The following SETBP1 variants were observed in gnomAD, a reference collection of about 807,000 sequenced individuals.
SETBP1 encodes the protein SET-binding protein.
SETBP1 carries 9 observed loss-of-function variants against 101.0 expected under a neutral mutation model. The observed-to-expected ratio is 0.09, with a 90% confidence interval of 0.05 to 0.16. The LOEUF is 0.16. SETBP1 is among the 10% of genes least tolerant of loss of function. The probability of loss-of-function intolerance (pLI) is 1.00; values close to 1 mark genes in which losing one functional copy is unlikely to be tolerated. For missense variants in SETBP1, 1,858 were observed against 2,033.8 expected (o/e 0.91, Z 1.66); for synonymous variants, 818 against 788.5 (o/e 1.04, Z -0.63).
intron 3 of SETBP1, among the ~76,000 whole-genome samples, chr18:44,927,915 A>G (rs1847587528): frequency 6.6e-6 from 1 of 152,134 alleles, no homozygotes; most frequent in Non-Finnish European, 1.5e-5. Flanking sequence ...AACACTTCCA[A>G]TGTGTTCTGT....
chr18:44,688,795 T>G (rs1029501944), intron 1 of SETBP1, among the ~76,000 whole-genome samples: 1 of 152,170 alleles, frequency 6.6e-6, no homozygotes, highest in Non-Finnish European at 1.5e-5. Flanking sequence ...TAGTAGTGAC[T>G]AAAAGGGATG....
intron 3 of SETBP1, among the ~76,000 whole-genome samples, chr18:44,920,309 G>T (rs188220881): frequency 6.6e-6 from 1 of 152,248 alleles, no homozygotes; most frequent in African/African-American, 2.4e-5. Flanking sequence ...TTGCATTGGG[G>T]ATTAAATTTC....
At chr18:44,834,502 G>A (rs1438669512) in intron 2 of SETBP1, among the ~76,000 whole-genome samples, 1 of 152,170 alleles carries the variant, frequency 6.6e-6, no homozygotes, top group East Asian at 1.9e-4. Context: ...AGTATATGTG[G>A]ATGGGTAGAA....
chr18:44,856,964 T>C (rs541494336), intron 2 of SETBP1, among the ~76,000 whole-genome samples: 5 of 152,330 alleles, frequency 3.3e-5, no homozygotes, highest in Admixed American at 3.3e-4. Flanking sequence ...TGAGCCTCCC[T>C]CACCTCTACT....
At chr18:44,961,217 A>T (rs546246561) in intron 4 of SETBP1, among the ~76,000 whole-genome samples, 32 of 152,376 alleles carry the variant, frequency 2.1e-4, no homozygotes, top group African/African-American at 7.7e-4. Flanking sequence ...GCAGAGAAGG[A>T]ATGCCAGAAA....
At chr18:45,056,771 C>T (rs1283936007) in intron 5 of SETBP1, among the ~76,000 whole-genome samples, 1 of 152,216 alleles carries the variant, frequency 6.6e-6, no homozygotes, top group Non-Finnish European at 1.5e-5. Flanking sequence ...CACACATAAA[C>T]ATGCTCACAC....
chr18:44,994,740 G>A (rs191482527), intron 4 of SETBP1, among the ~76,000 whole-genome samples: 1 of 152,316 alleles, frequency 6.6e-6, no homozygotes, highest in Admixed American at 6.5e-5. Flanking sequence ...ACACATATCA[G>A]CTGAATCTTA....
In SETBP1 at chr18:44,800,506, A is replaced by G. The variant is rs1459397829; in HGVS notation, c.487-68724A>G. 3.3e-5 allele frequency among the ~76,000 whole-genome samples: 5 copies of G among 152,206 alleles called. No homozygotes were observed. In the East Asian group the frequency reaches 9.6e-4, roughly 29 times the overall value. ...AATAAACAGTTTCAAAATGGCAAGA[A>G]CTTTGAAGAAAACCTGTGGTGCTGG... On this transcript the variant is annotated intron_variant, in intron 2 of 5. Transcript: ENST00000649279.
At chr18:44,680,369 A>C (rs2068738267), upstream of SETBP1, 1 of 151,626 alleles carries the variant, frequency 6.6e-6, no homozygotes, top group Admixed American at 6.6e-5. Context: ...CGCCGGGGCC[A>C]GCGGAGCCGG....
chr18:44,817,463 A>G (rs1196062000), intron 2 of SETBP1, among the ~76,000 whole-genome samples: 1 of 152,106 alleles, frequency 6.6e-6, no homozygotes, highest in Non-Finnish European at 1.5e-5. Context: ...AGGCAGGCAA[A>G]TCACCAGGTC....
intron 4 of SETBP1, among the ~76,000 whole-genome samples, chr18:44,983,645 A>G (rs1281979687): frequency 6.6e-6 from 1 of 152,182 alleles, no homozygotes. Context: ...GTAACACCAG[A>G]AATGGTAATC....
At chr18:44,816,283 G>A (rs2144856119) in intron 2 of SETBP1, among the ~76,000 whole-genome samples, 1 of 152,294 alleles carries the variant, frequency 6.6e-6, no homozygotes, top group Middle Eastern at 3.4e-3. Context: ...GAGAGCGAAG[G>A]GGAGGGGCTG....
chr18:44,788,995 G>A (rs890587158), intron 2 of SETBP1, among the ~76,000 whole-genome samples: 3 of 151,780 alleles, frequency 2.0e-5, no homozygotes, highest in Non-Finnish European at 4.4e-5. Flanking sequence ...TAGAAACAGG[G>A]TTTTAACATG....
At chr18:45,006,786 A>G (rs1043904647) in intron 4 of SETBP1, among the ~76,000 whole-genome samples, 13 of 152,198 alleles carry the variant, frequency 8.5e-5, no homozygotes, top group African/African-American at 3.1e-4. Context: ...AAGACCATAC[A>G]TCTTTTTAGG....
At chr18:44,814,186 A>T (rs2071924959) in intron 2 of SETBP1, among the ~76,000 whole-genome samples, 1 of 152,190 alleles carries the variant, frequency 6.6e-6, no homozygotes, top group African/African-American at 2.4e-5. Flanking sequence ...ACACTCATGA[A>T]CAGAGAGTAG....
chr18:44,862,982 A>G (rs1178621563), intron 2 of SETBP1, among the ~76,000 whole-genome samples: 1 of 152,110 alleles, frequency 6.6e-6, no homozygotes, highest in African/African-American at 2.4e-5. Context: ...ACTATGACAG[A>G]GGTTTGTTTG....
chr18:44,699,193 G>A (rs561100793), intron 1 of SETBP1, among the ~76,000 whole-genome samples: 1 of 152,172 alleles, frequency 6.6e-6, no homozygotes, highest in East Asian at 1.9e-4. Context: ...GTAGGTATTA[G>A]AGAATTAAAA....
At chr18:45,039,413 G>A (rs4890506) in intron 5 of SETBP1, among the ~76,000 whole-genome samples, 1 of 151,968 alleles carries the variant, frequency 6.6e-6, no homozygotes, top group Non-Finnish European at 1.5e-5. Context: ...ACACCTGAAC[G>A]TGGAGACAGC....
At chr18:44,723,528 T>C (rs1276265309) in intron 2 of SETBP1, among the ~76,000 whole-genome samples, 1 of 152,216 alleles carries the variant, frequency 6.6e-6, no homozygotes, top group Non-Finnish European at 1.5e-5. Flanking sequence ...ACACCCTTTT[T>C]AGTCATCACA....
Sources: allele counts gnomAD v4.1 joint callset (sites outside exome capture counted in the v4.1 genomes callset), GRCh38; gene constraint gnomAD v4.1.1; transcripts MANE v1.5; gene names NCBI Gene and HGNC (gene_info 2026-07-23, HGNC 2026-07-21).